Variants in CSMD1 observed in about 807,000 individuals in gnomAD.
The protein encoded by CSMD1 is CUB and sushi domain-containing protein 1.
CSMD1 carries 213 observed loss-of-function variants against 417.5 expected under a neutral mutation model. The observed-to-expected ratio is 0.51, with a 90% confidence interval of 0.46 to 0.57. The LOEUF is 0.57. Ranked by LOEUF, CSMD1 falls within the 20% of genes least tolerant of loss-of-function variation. CSMD1 has a pLI of 0.00. For synonymous variants in CSMD1, 2,862 were observed against 1,736.8 expected, an observed-to-expected ratio of 1.65 and a Z score of -16.11; for missense variants, 6,923 against 4,529.7, an observed-to-expected ratio of 1.53 and a Z score of -15.17.
intron 3 of CSMD1, among the ~76,000 whole-genome samples, chr8:4,211,726 G>A (rs1459380374): frequency 2.0e-5 from 3 of 152,136 alleles, no homozygotes; most frequent in African/African-American, 7.2e-5. Context: ...TTTGCAAGTG[G>A]GGAGTTGACA....
intron 5 of CSMD1, among the ~76,000 whole-genome samples, chr8:3,874,097 G>A (rs1270277398): frequency 6.6e-6 from 1 of 152,114 alleles, no homozygotes; most frequent in Non-Finnish European, 1.5e-5. Context: ...CCTCAGGCTG[G>A]GTTCTTTCAC....
chr8:3,075,569 CCATGCCAGGCTAGCCT>C (rs1003907317), intron 49 of CSMD1, among the ~76,000 whole-genome samples: 11 of 152,054 alleles, frequency 7.2e-5, no homozygotes, highest in Non-Finnish European at 7.4e-5. Context: ...GCATGGACCA[CCATGCCAGGCTAGCCT>C]CATGTATTTC....
chr8:4,791,580 G>C (rs534443988), intron 1 of CSMD1, among the ~76,000 whole-genome samples: 2 of 152,164 alleles, frequency 1.3e-5, no homozygotes, highest in South Asian at 4.1e-4. Flanking sequence ...ACTAACGTGA[G>C]GAAATCTGAA....
intron 2 of CSMD1, among the ~76,000 whole-genome samples, chr8:4,631,396 T>C (rs1453750276): frequency 1.4e-5 from 2 of 144,872 alleles, no homozygotes; most frequent in Non-Finnish European, 3.0e-5. Context: ...ATACCTTGGT[T>C]TGTTTTTTTT....
intron 3 of CSMD1, among the ~76,000 whole-genome samples, chr8:4,084,273 T>A (rs778983397): frequency 6.6e-6 from 1 of 151,764 alleles, no homozygotes; most frequent in Non-Finnish European, 1.5e-5. Context: ...AAGACAAAAA[T>A]TGGAAAAATC....
At chr8:4,777,351 T>C (rs1796905158) in intron 1 of CSMD1, among the ~76,000 whole-genome samples, 1 of 152,090 alleles carries the variant, frequency 6.6e-6, no homozygotes. Flanking sequence ...CTTTGGTAGA[T>C]GAGATGTCTG....
At chr8:3,140,686 C>G (rs1395880535) in intron 41 of CSMD1, among the ~76,000 whole-genome samples, 1 of 150,742 alleles carries the variant, frequency 6.6e-6, no homozygotes, top group Non-Finnish European at 1.5e-5. Context: ...TGTTTCTAAG[C>G]ATTCTGTGGA....
intron 49 of CSMD1, among the ~76,000 whole-genome samples, chr8:3,069,154 G>T (rs1350869914): frequency 6.6e-6 from 1 of 152,034 alleles, no homozygotes; most frequent in East Asian, 1.9e-4. Context: ...AAAGGGGCTG[G>T]GCCGGGCGCA....
At chr8:3,744,337 G>T (rs963733611) in intron 6 of CSMD1, among the ~76,000 whole-genome samples, 2 of 152,224 alleles carry the variant, frequency 1.3e-5, no homozygotes, top group East Asian at 3.9e-4. Context: ...GTGATACCCT[G>T]TGGGCTTCCA....
chr8:3,587,455 C>A (rs572970391), intron 8 of CSMD1, among the ~76,000 whole-genome samples: 1 of 152,142 alleles, frequency 6.6e-6, no homozygotes, highest in Admixed American at 6.5e-5. Flanking sequence ...GGAAAAGAAG[C>A]ACAGTTGTCA....
intron 38 of CSMD1, among the ~76,000 whole-genome samples, chr8:3,158,340 G>C (rs1379126151): frequency 6.6e-6 from 1 of 151,978 alleles, no homozygotes; most frequent in South Asian, 2.1e-4. Context: ...CAATTAGAAA[G>C]TACTAGGTGG....
At chr8:4,631,548 T>A (rs1802516837) in intron 2 of CSMD1, among the ~76,000 whole-genome samples, 1 of 152,174 alleles carries the variant, frequency 6.6e-6, no homozygotes, top group African/African-American at 2.4e-5. Flanking sequence ...TCTTTAGCCC[T>A]CATATGTCTA....
chr8:4,314,332 C>G (rs1585214060), intron 3 of CSMD1, among the ~76,000 whole-genome samples: 2 of 152,182 alleles, frequency 1.3e-5, no homozygotes, highest in East Asian at 3.8e-4. Flanking sequence ...AGCCCAACAG[C>G]CAGTGCCTCC....
At chr8:3,181,441 C>T (rs563006728) in intron 36 of CSMD1, among the ~76,000 whole-genome samples, 1 of 152,160 alleles carries the variant, frequency 6.6e-6, no homozygotes, top group Non-Finnish European at 1.5e-5. Context: ...CGATGTGACA[C>T]CTTTCTCTTG....
chr8:3,488,994 T>A (rs1818217375), intron 11 of CSMD1, among the ~76,000 whole-genome samples: 1 of 152,194 alleles, frequency 6.6e-6, no homozygotes, highest in Non-Finnish European at 1.5e-5. Context: ...TGTTTATGCT[T>A]TCCCCCAAGG....
Position 3,118,424 on chromosome 8 carries a change from C to A in CSMD1, c.6405G>T (p.Trp2135Cys). The A allele has an allele frequency of 6.2e-7, 1 of 1,613,296 alleles. No homozygotes were observed. The highest frequency in any genetic ancestry group is 8.5e-7 in the Non-Finnish European group (1 of 1,179,660). Residue 2135 changes from tryptophan (W) to cysteine (C), a missense_variant, in exon 42 of 70, where the codon TGG becomes TGT. Physicochemically the swap from Trp to Cys is radical, Grantham distance 215. Coordinates refer to ENST00000635120, the MANE Select transcript of CSMD1 (RefSeq NM_033225.6). ...CATCACATCTTGGAAAAGGGTAGTT[C>A]CAGTTTCTGTTGATCCCATGCTGAC... is the stretch of plus-strand genomic sequence containing the variant. ...LTCQHGINRN[W>C]NYPFPRCDAP...
intron 41 of CSMD1, among the ~76,000 whole-genome samples, chr8:3,126,235 G>A (rs144992199): frequency 6.6e-6 from 1 of 152,190 alleles, no homozygotes; most frequent in African/African-American, 2.4e-5. Context: ...TAAAAGAAAT[G>A]AATCAGTGTT....
intron 3 of CSMD1, among the ~76,000 whole-genome samples, chr8:4,117,317 C>T (rs992656989): frequency 6.6e-6 from 1 of 150,794 alleles, no homozygotes; most frequent in African/African-American, 2.4e-5. Flanking sequence ...CCTCCTTATA[C>T]ATCACCGTCT....
At chr8:4,099,277 C>T (rs186657482) in intron 3 of CSMD1, among the ~76,000 whole-genome samples, 3 of 152,008 alleles carry the variant, frequency 2.0e-5, no homozygotes, top group South Asian at 2.1e-4. Context: ...TTACTTTCAT[C>T]GCCTCTATCC....
Sources: gnomAD v4.1 joint callset for allele counts (sites outside exome capture counted in the v4.1 genomes callset) on GRCh38, gnomAD v4.1.1 for gene constraint, MANE v1.5 for transcripts, NCBI Gene and HGNC (gene_info 2026-07-23, HGNC 2026-07-21) for gene names.